SZRD1: variants seen among roughly 807,000 people sequenced by gnomAD.
SZRD1 encodes SUZ RNA binding domain containing 1.
A neutral mutation model predicts 17.6 loss-of-function variants in SZRD1; 7 were observed. The observed-to-expected ratio is 0.40, with a 90% confidence interval of 0.23 to 0.75. The LOEUF (loss-of-function observed/expected upper bound fraction) is 0.75. Among genes scored for constraint, SZRD1 ranks in the 30% least tolerant of loss-of-function variants. SZRD1 has a pLI of 0.38. For missense variants in SZRD1, 178 were observed against 201.8 expected, an observed-to-expected ratio of 0.88 and a Z score of 0.71; for synonymous variants, 77 against 77.9, an observed-to-expected ratio of 0.99 and a Z score of 0.06.
At chr1:16,377,777 C>G (rs1313066726) in intron 1 of SZRD1, among the ~76,000 whole-genome samples, 2 of 152,098 alleles carry the variant, frequency 1.3e-5, no homozygotes, top group African/African-American at 4.8e-5. Context: ...AGAGTTAAAA[C>G]ACTTAGTAAA....
chr1:16,384,073 A>T (rs1216193560), intron 1 of SZRD1, among the ~76,000 whole-genome samples: 1 of 152,124 alleles, frequency 6.6e-6, no homozygotes, highest in Non-Finnish European at 1.5e-5. Flanking sequence ...CCTCTCTGGG[A>T]TTAGTCAGGG....
intron 1 of SZRD1, among the ~76,000 whole-genome samples, chr1:16,379,128 T>C (rs999345692): frequency 2.4e-4 from 37 of 152,008 alleles, no homozygotes; most frequent in African/African-American, 8.7e-4. Flanking sequence ...TTGTGTTTTG[T>C]TTTGTTTTTG....
At chr1:16,389,875 G>T (rs770190011) in intron 1 of SZRD1, among the ~76,000 whole-genome samples, 25 of 152,246 alleles carry the variant, frequency 1.6e-4, no homozygotes, top group Admixed American at 1.6e-3. Flanking sequence ...GCAAGTGATG[G>T]ACTTCTTTGA....
intron 1 of SZRD1, among the ~76,000 whole-genome samples, chr1:16,385,217 C>T (rs896933698): frequency 6.6e-6 from 1 of 152,156 alleles, no homozygotes; most frequent in African/African-American, 2.4e-5. Context: ...TGGAGTAGGA[C>T]AGTACAGTCT....
At chr1:16,368,997 A>G (rs888377414) in intron 1 of SZRD1, among the ~76,000 whole-genome samples, 2 of 152,234 alleles carry the variant, frequency 1.3e-5, no homozygotes, top group African/African-American at 4.8e-5. Flanking sequence ...AGAAATAGCT[A>G]GTACAGTCCC....
chr1:16,392,546 A>G (rs2085236239), intron 2 of SZRD1, among the ~76,000 whole-genome samples: 1 of 152,116 alleles, frequency 6.6e-6, no homozygotes, highest in Non-Finnish European at 1.5e-5. Context: ...TGTTTCTAGG[A>G]GCATCCTTCA....
At position 16,395,233 on chromosome 1, in the gene SZRD1, G is replaced by A; in HGVS notation, c.*93G>A. The stretch of plus-strand genomic sequence containing the variant: ...ACTGCCGTGGCAGACAGCTGGACTT[G>A]AGCAGAGGGAACGACCTGACTTACT... On this transcript the variant is annotated 3_prime_UTR_variant, in exon 4 of 4. Coordinates refer to ENST00000401088, the MANE Select transcript of SZRD1 (RefSeq NM_001114600.3). 2 of 876,176 alleles carry A rather than the reference G, an allele frequency of 2.3e-6. No homozygotes were observed. 54.3% of individuals were successfully genotyped at this position (876,176 alleles called of 1,614,324 possible).
chr1:16,376,781 GGGCGACAC>G (rs1289739172), intron 1 of SZRD1, among the ~76,000 whole-genome samples: 1 of 149,494 alleles, frequency 6.7e-6, no homozygotes, highest in Non-Finnish European at 1.5e-5. Flanking sequence ...ACTCCAGCCT[GGGCGACAC>G]AGCGAGACTC....
intron 1 of SZRD1, among the ~76,000 whole-genome samples, chr1:16,371,449 CT>C (rs543590679): frequency 0.12 from 15,767 of 135,338 alleles, 1,053 homozygotes; most frequent in African/African-American, 0.14. Flanking sequence ...CTTTTTTTTC[CT>C]TTTTTTTTTT....
At chr1:16,367,572 G>GC in intron 1 of SZRD1, 1 of 515,976 alleles carries the variant, frequency 1.9e-6, no homozygotes, top group Non-Finnish European at 3.4e-6. Context: ...GCCACCCGGG[G>GC]CCTCCTTTCC....
At position 16,396,833 on chromosome 1, in the gene SZRD1, C is replaced by CAGCT. The variant is rs1160289378; in HGVS notation, c.*1696_*1699dup. 1.3e-5 allele frequency: 2 copies of CAGCT among 152,368 alleles called. No individual in the cohort carries two copies. Among genetic ancestry groups the CAGCT allele is most frequent in the Non-Finnish European group, 2.9e-5 (2 of 68,164 alleles). The allele number at this position is 152,368 out of a possible 1,614,324, so 9.4% of individuals were successfully genotyped here. ...AAGGGCCAGCTGCCAGCTGAGTCAGCAGCTAGTCCATAGCACAGCCTTATA... is the reference window on the plus strand; with the variant it reads ...AAGGGCCAGCTGCCAGCTGAGTCAGCAGCTAGCTAGTCCATAGCACAGCCTTATA... On this transcript the variant is annotated 3_prime_UTR_variant, in exon 4 of 4. Transcript: ENST00000401088.
chr1:16,375,009 C>G (rs1449348252), intron 1 of SZRD1, among the ~76,000 whole-genome samples: 3 of 151,922 alleles, frequency 2.0e-5, no homozygotes, highest in African/African-American at 7.3e-5. Flanking sequence ...TCCCAAGTAG[C>G]TGGGATTACA....
rs1280947385 is a variant in SZRD1, at chr1:16,367,269, G to A, written c.12G>A (p.Glu4=). Residue 4 remains glutamate, a synonymous_variant, in exon 1 of 4, where the codon GAG becomes GAA. Transcript: ENST00000401088. ...AAGCGGCGAGTAAGATGGAAGATGA[G>A]GAGGTCGCTGAGAGCTGGGAAGAGG... MED[E]EVAESWEEAA... The A allele has an allele frequency of 4.5e-6, 7 of 1,548,662 alleles. No individual in the cohort carries two copies. Among genetic ancestry groups the A allele is most frequent in the Non-Finnish European group, 4.4e-6 (5 of 1,146,556 alleles).
chr1:16,387,943 A>G, intron 1 of SZRD1: 1 of 325,260 alleles, frequency 3.1e-6, no homozygotes, highest in Admixed American at 4.6e-5. Flanking sequence ...TGTGTTTGTC[A>G]GTTCACAGAA....
At chr1:16,381,628 A>G (rs1292003081) in intron 1 of SZRD1, among the ~76,000 whole-genome samples, 1 of 151,864 alleles carries the variant, frequency 6.6e-6, no homozygotes, top group Non-Finnish European at 1.5e-5. Context: ...TGCAGCAACA[A>G]GCTGCTTAGA....
chr1:16,391,458 C>G lies in SZRD1; in HGVS notation c.101+34C>G, dbSNP rs1264159152. The G allele has an allele frequency of 1.4e-5, 21 of 1,535,112 alleles. No individual in the cohort carries two copies. Among genetic ancestry groups the G allele is most frequent in the Non-Finnish European group, 1.8e-5 (20 of 1,135,240 alleles). ...GCTGTCTGGTCTGAGGGCTCATGCT[C>G]TCTGTGGTTTGAGAGCCGGGCAGTC... is the stretch of plus-strand genomic sequence containing the variant. On this transcript the variant is annotated intron_variant, in intron 2 of 3. Coordinates refer to ENST00000401088, the MANE Select transcript of SZRD1 (RefSeq NM_001114600.3). This position sits in a 1 kb window ranked among gnomAD's most constrained non-coding sequence, Gnocchi z 4.3.
In SZRD1 at chr1:16,393,506, C is replaced by A; in HGVS notation, c.356+24C>A. 6.3e-7 allele frequency: 1 copy of A among 1,585,912 alleles called. No individual in the cohort carries two copies. The stretch of plus-strand genomic sequence containing the variant: ...AGGTGAGTGTGGCTGGCAGGGCCGG[C>A]CAGTGATGGCTGTCCCAGTCCACCC... On this transcript the variant is annotated intron_variant, in intron 3 of 3. Coordinates refer to ENST00000401088, the MANE Select transcript of SZRD1 (RefSeq NM_001114600.3). The surrounding 1 kb of genome is among the most constrained non-coding windows in gnomAD (Gnocchi z 5.6).
At chr1:16,377,574 A>AT (rs1184434712) in intron 1 of SZRD1, among the ~76,000 whole-genome samples, 3 of 151,774 alleles carry the variant, frequency 2.0e-5, no homozygotes, top group Admixed American at 1.3e-4. Flanking sequence ...AAAAAAAAAA[A>AT]AAAAAAAGCA....
chr1:16,388,348 C>T (rs772307896), intron 1 of SZRD1, among the ~76,000 whole-genome samples: 1 of 152,140 alleles, frequency 6.6e-6, no homozygotes, highest in Non-Finnish European at 1.5e-5. Context: ...GATTCACCCA[C>T]CTCGGCCTCC....
Sources: gnomAD v4.1 joint callset for allele counts (sites outside exome capture counted in the v4.1 genomes callset) on GRCh38, gnomAD v4.1.1 for gene constraint, Gnocchi (gnomAD v3.1) non-coding constraint, MANE v1.5 for transcripts, NCBI Gene and HGNC (gene_info 2026-07-23, HGNC 2026-07-21) for gene names.